The following PTPRO variants were observed in gnomAD, a reference collection of about 807,000 sequenced individuals.
The protein encoded by PTPRO is receptor-type tyrosine-protein phosphatase O.
Under a neutral mutation model 145.2 loss-of-function variants are expected in PTPRO, and 62 were observed. The observed-to-expected ratio is 0.43, with a 90% CI of 0.35 to 0.53. PTPRO has a LOEUF of 0.53. PTPRO is among the 20% of genes least tolerant of loss of function. The probability of loss-of-function intolerance (pLI) is 0.01; values close to 1 mark genes in which losing one functional copy is unlikely to be tolerated. For synonymous variants in PTPRO, 565 were observed against 514.7 expected, an observed-to-expected ratio of 1.10 and a Z score of -1.32; for missense variants, 1,345 against 1,482.7, an observed-to-expected ratio of 0.91 and a Z score of 1.53.
At chr12:15,507,647 C>A (rs7315887) in intron 6 of PTPRO, among the ~76,000 whole-genome samples, 4 of 152,148 alleles carry the variant, frequency 2.6e-5, no homozygotes, top group African/African-American at 4.8e-5. Flanking sequence ...AGGAACAAAC[C>A]TATAAATATG....
At chr12:15,595,727 G>A (rs1944646183) in intron 26 of PTPRO, 1 of 154,188 alleles carries the variant, frequency 6.5e-6, no homozygotes, top group Non-Finnish European at 1.4e-5. Flanking sequence ...TGGGGGAAGA[G>A]GAGCCAATGA....
At chr12:15,590,915 T>C (rs1191743822) in intron 25 of PTPRO, among the ~76,000 whole-genome samples, 1 of 152,178 alleles carries the variant, frequency 6.6e-6, no homozygotes, top group Admixed American at 6.5e-5. Flanking sequence ...CGGTCCATAT[T>C]TTTGGCTTTT....
rs55746632 is a variant in PTPRO at position 15,433,171 on chromosome 12, C to CT, written c.76-50784dup. Among the ~76,000 whole-genome samples, 68 of 103,616 alleles carry CT rather than the reference C, an allele frequency of 6.6e-4. 1 individual carries two copies. The highest frequency in any genetic ancestry group is 2.1e-3 in the East Asian group (8 of 3,848). The allele number at this position is 103,616 out of a possible 152,430, so 68.0% of individuals were successfully genotyped here. ...CTTTCAGGGTTTTTACAGTTTGGGG[C>CT]TTTTTTTTTTTTTTTTTTTCTGAGG... On this transcript the variant is annotated intron_variant, in intron 1 of 26. Coordinates refer to ENST00000281171, the MANE Select transcript of PTPRO (RefSeq NM_030667.3).
intron 1 of PTPRO, among the ~76,000 whole-genome samples, chr12:15,385,909 T>C (rs1384078660): frequency 6.6e-6 from 1 of 151,318 alleles, no homozygotes; most frequent in East Asian, 1.9e-4. Context: ...GAGATAAAGG[T>C]ATATTTCTCA....
chr12:15,544,493 C>T (rs9645757), intron 12 of PTPRO, among the ~76,000 whole-genome samples: 33,833 of 126,488 alleles, frequency 0.27, 4,557 homozygotes, highest in Middle Eastern at 0.46. Flanking sequence ...GGTGACAGAG[C>T]GAGACTCCAT....
chr12:15,537,396 G>A (rs961374758), intron 12 of PTPRO, among the ~76,000 whole-genome samples: 1 of 152,164 alleles, frequency 6.6e-6, no homozygotes, highest in Non-Finnish European at 1.5e-5. Context: ...AGAGACTGAG[G>A]AGCATTGGCC....
intron 7 of PTPRO, among the ~76,000 whole-genome samples, chr12:15,513,282 GGGAA>G (rs57220849): frequency 0.58 from 76,908 of 132,824 alleles, 24,002 homozygotes; most frequent in Non-Finnish European, 0.67. Flanking sequence ...GAGGGAGGGA[GGGAA>G]GGAAGGAAGG....
intron 1 of PTPRO, among the ~76,000 whole-genome samples, chr12:15,468,141 G>A (rs1941458566): frequency 6.6e-6 from 1 of 151,944 alleles, no homozygotes; most frequent in Non-Finnish European, 1.5e-5. Flanking sequence ...TTGTTTGCTT[G>A]CCTAGGTTCC....
In PTPRO at chr12:15,413,042, C is replaced by T. The variant is rs1024091037; in HGVS notation, c.76-70932C>T. ...TCCTGACCTGAGGTGATCCACCCGC[C>T]TCAGCCTCCCAAAGTGTTGGGATCA... On this transcript the variant is annotated intron_variant, in intron 1 of 26. Transcript: ENST00000281171. Among the ~76,000 whole-genome samples, 15 of 152,304 alleles carry T rather than the reference C, an allele frequency of 9.8e-5. No individual in the cohort carries two copies. The South Asian group carries it at 3.1e-3, about 32-fold the overall frequency.
At chr12:15,541,891 A>G (rs1053186423) in intron 12 of PTPRO, among the ~76,000 whole-genome samples, 1 of 152,152 alleles carries the variant, frequency 6.6e-6, no homozygotes, top group African/African-American at 2.4e-5. Context: ...AGGCACCTGT[A>G]GTCCCAGATA....
At chr12:15,395,134 A>G (rs946242801) in intron 1 of PTPRO, among the ~76,000 whole-genome samples, 2 of 152,232 alleles carry the variant, frequency 1.3e-5, no homozygotes, top group East Asian at 1.9e-4. Flanking sequence ...GGGATAAAGA[A>G]TGAAATGAGG....
intron 1 of PTPRO, among the ~76,000 whole-genome samples, chr12:15,470,444 G>T (rs192618737): frequency 1.2e-4 from 18 of 151,948 alleles, no homozygotes; most frequent in Non-Finnish European, 2.2e-4. Context: ...ATAAAATTTG[G>T]TATATGACTA....
chr12:15,392,718 C>T lies in PTPRO; in HGVS notation c.75+69917C>T, dbSNP rs139326145. ...CTTGGGTGACAGAGTGAGACCCTGT[C>T]TCAAAAAAAAAAAAAAAAAAAAAAG... is the stretch of plus-strand genomic sequence containing the variant. On this transcript the variant is annotated intron_variant, in intron 1 of 26. Coordinates refer to ENST00000281171, the MANE Select transcript of PTPRO (RefSeq NM_030667.3). Among the ~76,000 whole-genome samples, 3 of 65,064 alleles carry T rather than the reference C, an allele frequency of 4.6e-5. No individual in the cohort carries two copies. The Admixed American group carries it at 5.1e-4, about 11-fold the overall frequency. The allele number at this position is 65,064 out of a possible 152,430, so 42.7% of individuals were successfully genotyped here.
At chr12:15,580,219 A>G in intron 21 of PTPRO, 104 bp downstream of exon 21, 1 of 887,070 alleles carries the variant, frequency 1.1e-6, no homozygotes, top group African/African-American at 1.7e-5. Flanking sequence ...GCCTTTCCCA[A>G]CCCAGCAATT....
chr12:15,555,651 TTG>T (rs2135572840), intron 15 of PTPRO, among the ~76,000 whole-genome samples: 1 of 152,302 alleles, frequency 6.6e-6, no homozygotes, highest in Admixed American at 6.5e-5. Flanking sequence ...TGAGCATTTT[TTG>T]TGGTACATAC....
chr12:15,509,375 A>G (rs1305719912), intron 7 of PTPRO, among the ~76,000 whole-genome samples: 2 of 14,936 alleles, frequency 1.3e-4, no homozygotes, highest in Non-Finnish European at 3.6e-4. Context: ...ATTCTTGCTG[A>G]AAAAAAAAAA....
intron 1 of PTPRO, among the ~76,000 whole-genome samples, chr12:15,354,258 A>G (rs935496292): frequency 1.3e-5 from 2 of 152,148 alleles, no homozygotes; most frequent in African/African-American, 4.8e-5. Flanking sequence ...TCTTTGTGGC[A>G]TTGTCCCCAT....
chr12:15,466,554 A>G (rs944086288), intron 1 of PTPRO, among the ~76,000 whole-genome samples: 7 of 152,210 alleles, frequency 4.6e-5, no homozygotes, highest in Non-Finnish European at 1.0e-4. Flanking sequence ...TATGCATTAA[A>G]TGTAATTTCC....
At chr12:15,365,879 T>C (rs566454464) in intron 1 of PTPRO, among the ~76,000 whole-genome samples, 1 of 152,226 alleles carries the variant, frequency 6.6e-6, no homozygotes, top group South Asian at 2.1e-4. Flanking sequence ...ATATAAAAAA[T>C]ATGTAAGGAA....
Sources: gnomAD v4.1 joint callset for allele counts (sites outside exome capture counted in the v4.1 genomes callset) on GRCh38, gnomAD v4.1.1 for gene constraint, MANE v1.5 for transcripts, NCBI Gene and HGNC (gene_info 2026-07-23, HGNC 2026-07-21) for gene names.